LONP2: variants seen among roughly 807,000 people sequenced by gnomAD.
LONP2 encodes lon protease homolog 2, peroxisomal.
In LONP2, 60 loss-of-function variants were observed where a neutral mutation model predicts 85.6. That is an observed-to-expected ratio of 0.70 (90% CI 0.57 to 0.87). The LOEUF (loss-of-function observed/expected upper bound fraction) is 0.87, where lower values mean the gene tolerates loss of function less well. Among genes scored for constraint, LONP2 ranks in the 40% least tolerant of loss-of-function variants. LONP2 has a pLI of 0.00. For synonymous variants in LONP2, 395 were observed against 389.7 expected (o/e 1.01, Z -0.16); for missense variants, 860 against 1,063.5 (o/e 0.81, Z 2.66).
chr16:48,309,669 A>G lies in LONP2; in HGVS notation c.1795+6364A>G, dbSNP rs1972988109. On this transcript the variant is annotated intron_variant, in intron 11 of 14. Transcript: ENST00000285737. ...TGTATATTTTTGAGAGTTTCTCTTC[A>G]GATTGATTTTTAGTTTTATTCCATT... is the stretch of plus-strand genomic sequence containing the variant. Among the ~76,000 whole-genome samples the G allele has an allele frequency of 2.0e-5, 3 of 152,150 alleles. No individual in the cohort carries two copies. The South Asian group carries it at 6.2e-4, about 32-fold the overall frequency.
chr16:48,289,096 T>A (rs143332652), intron 8 of LONP2, among the ~76,000 whole-genome samples: 1 of 152,346 alleles, frequency 6.6e-6, no homozygotes, highest in East Asian at 1.9e-4. Context: ...ATACCCTTTT[T>A]AATGATACTT....
rs113625300 is a variant in LONP2 at position 48,245,107 on chromosome 16, C to A, written c.233+486C>A. Among the ~76,000 whole-genome samples, 996 of 152,260 alleles carry A rather than the reference C, an allele frequency of 6.5e-3. 12 individuals carry two copies. The highest frequency in any genetic ancestry group is 0.023 in the African/African-American group (947 of 41,532). ...CTCTGCTCCGTGAGTTTTAACTTTT[C>A]CTGTTTCATTCCTAAACTGCACTAT... On this transcript the variant is annotated intron_variant, in intron 1 of 14. Transcript: ENST00000285737.
intron 1 of LONP2, among the ~76,000 whole-genome samples, chr16:48,247,900 G>A (rs1431718556): frequency 2.0e-5 from 3 of 152,066 alleles, no homozygotes; most frequent in Non-Finnish European, 4.4e-5. Flanking sequence ...CAAAGTGTTA[G>A]GATTACAGGC....
chr16:48,283,213 G>A (rs2150986112), intron 8 of LONP2, among the ~76,000 whole-genome samples: 1 of 152,288 alleles, frequency 6.6e-6, no homozygotes, highest in South Asian at 2.1e-4. Flanking sequence ...AAGTGCAAAG[G>A]GAAGCAGCAA....
At chr16:48,333,647 C>CAA (rs111794033) in intron 11 of LONP2, among the ~76,000 whole-genome samples, 3 of 87,614 alleles carry the variant, frequency 3.4e-5, no homozygotes, top group Non-Finnish European at 2.2e-5. Context: ...GACACCATCT[C>CAA]AAAAAAAAAA....
chr16:48,294,865 C>T (rs960768687), intron 8 of LONP2, among the ~76,000 whole-genome samples: 2 of 152,062 alleles, frequency 1.3e-5, no homozygotes, highest in African/African-American at 4.8e-5. Flanking sequence ...GTATATTAGT[C>T]ATTTTATTGC....
At chr16:48,311,822 G>T (rs990590183) in intron 11 of LONP2, among the ~76,000 whole-genome samples, 1 of 151,996 alleles carries the variant, frequency 6.6e-6, no homozygotes. Context: ...GGGTTATACT[G>T]TGTTGCCCAG....
At position 48,362,354 on chromosome 16, in the gene LONP2, C is replaced by A; in HGVS notation, c.*491C>A. 3.1e-6 allele frequency: 5 copies of A among 1,614,152 alleles called. No homozygotes were observed. In the Admixed American group the frequency reaches 8.3e-5, roughly 27 times the overall value. ...CATTGTTGGATGCAGTTGTGCCAGTCAGGGCAGGCACCCTCTGGGATGGTG... is the reference window on the plus strand; with the variant it reads ...CATTGTTGGATGCAGTTGTGCCAGTAAGGGCAGGCACCCTCTGGGATGGTG... On this transcript the variant is annotated 3_prime_UTR_variant, in exon 5 of 5. Transcript: ENST00000565867. The surrounding 1 kb of genome is among the most constrained non-coding windows in gnomAD (Gnocchi z 4.2).
intron 3 of LONP2, 51 bp from the exon 4 acceptor site, chr16:48,258,567 G>T (rs1404673947): frequency 3.9e-6 from 6 of 1,527,612 alleles, no homozygotes; most frequent in East Asian, 2.4e-5. Flanking sequence ...GTCTGTTTTT[G>T]GATTGTGTGT....
chr16:48,268,602 A>G (rs1466287772), intron 6 of LONP2, among the ~76,000 whole-genome samples: 1 of 152,128 alleles, frequency 6.6e-6, no homozygotes, highest in Non-Finnish European at 1.5e-5. Flanking sequence ...GTTTTCTTTT[A>G]TGTTTACTGT....
At chr16:48,297,074 C>A (rs1303765115) in intron 9 of LONP2, among the ~76,000 whole-genome samples, 1 of 152,066 alleles carries the variant, frequency 6.6e-6, no homozygotes, top group Non-Finnish European at 1.5e-5. Context: ...GTGGCACGAT[C>A]TCGGCTCACT....
Position 48,350,857 on chromosome 16 carries a change from A to T in LONP2, c.2338-724A>T, listed in dbSNP as rs987453660. On this transcript the variant is annotated intron_variant, in intron 14 of 14. Transcript: ENST00000285737. Reference sequence around the variant, plus strand: ...CAAATTGGTCCCATCTAGTGGCAGGAGGCCCCAGTTCCTCACCTGATGGAC... The same window carrying T: ...CAAATTGGTCCCATCTAGTGGCAGGTGGCCCCAGTTCCTCACCTGATGGAC... 6.6e-5 allele frequency among the ~76,000 whole-genome samples: 10 copies of T among 152,276 alleles called. No individual in the cohort carries two copies. The East Asian group carries it at 1.9e-3, about 29-fold the overall frequency.
At chr16:48,336,100 C>T (rs1043625411) in intron 12 of LONP2, among the ~76,000 whole-genome samples, 5 of 152,156 alleles carry the variant, frequency 3.3e-5, no homozygotes, top group African/African-American at 1.2e-4. Flanking sequence ...AGGATTTAAA[C>T]TAGAGCAGCA....
intron 12 of LONP2, among the ~76,000 whole-genome samples, chr16:48,342,632 G>C (rs1283427320): frequency 6.6e-6 from 1 of 152,152 alleles, no homozygotes; most frequent in African/African-American, 2.4e-5. Context: ...AGATGACAGT[G>C]GTGGACCCCA....
downstream of LONP2, among the ~76,000 whole-genome samples, chr16:48,358,451 G>A (rs1031697817): frequency 1.3e-5 from 2 of 152,148 alleles, no homozygotes; most frequent in Non-Finnish European, 2.9e-5. Context: ...TATTAAAGTG[G>A]TGAAACACTC....
chr16:48,339,750 C>T (rs1358740651), intron 12 of LONP2, among the ~76,000 whole-genome samples: 2 of 152,006 alleles, frequency 1.3e-5, no homozygotes, highest in African/African-American at 4.8e-5. Context: ...TAGAAAGGGA[C>T]AAGAATATTG....
chr16:48,346,765 T>A (rs918656360), intron 12 of LONP2, among the ~76,000 whole-genome samples: 1 of 152,122 alleles, frequency 6.6e-6, no homozygotes, highest in African/African-American at 2.4e-5. Flanking sequence ...AGCTCACTCT[T>A]CTTAAAGGTC....
At chr16:48,256,923 T>C (rs1208742934) in intron 3 of LONP2, among the ~76,000 whole-genome samples, 182 bp downstream of exon 3, 1 of 148,624 alleles carries the variant, frequency 6.7e-6, no homozygotes. Context: ...CACAAGCAGC[T>C]CTTTTATTTT....
chr16:48,280,469 A>C (rs1346263494), intron 8 of LONP2, among the ~76,000 whole-genome samples: 4 of 152,220 alleles, frequency 2.6e-5, no homozygotes, highest in African/African-American at 7.2e-5. Flanking sequence ...GTAATGATTC[A>C]ATAATATTTG....
Sources: allele counts gnomAD v4.1 joint callset (sites outside exome capture counted in the v4.1 genomes callset), GRCh38; gene constraint gnomAD v4.1.1; non-coding constraint Gnocchi (gnomAD v3.1); transcripts MANE v1.5; gene names NCBI Gene and HGNC (gene_info 2026-07-23, HGNC 2026-07-21).